The following CEP112 variants were observed in gnomAD, a reference collection of about 807,000 sequenced individuals.
CEP112 encodes the protein centrosomal protein of 112 kDa.
CEP112 carries 127 observed loss-of-function variants against 153.0 expected under a neutral mutation model. That is an observed-to-expected ratio of 0.83 (90% confidence interval 0.72 to 0.96). The LOEUF (loss-of-function observed/expected upper bound fraction) is 0.96, where lower values mean the gene tolerates loss of function less well. Among genes scored for constraint, CEP112 ranks in the 40% least tolerant of loss-of-function variants. The pLI, the probability that CEP112 is intolerant of heterozygous loss-of-function variation, is 0.00. For synonymous variants in CEP112, 358 were observed against 374.4 expected, an observed-to-expected ratio of 0.96 and a Z score of 0.51; for missense variants, 1,089 against 1,101.2, an observed-to-expected ratio of 0.99 and a Z score of 0.16.
intron 20 of CEP112, among the ~76,000 whole-genome samples, chr17:65,870,014 T>TAAAA (rs2058602971): frequency 2.2e-5 from 1 of 44,614 alleles, no homozygotes; most frequent in Non-Finnish European, 4.7e-5. Flanking sequence ...AGGTAGAGAA[T>TAAAA]AAGAAAGAAA....
chr17:65,956,174 A>G (rs1471978905), intron 18 of CEP112, among the ~76,000 whole-genome samples: 1 of 152,134 alleles, frequency 6.6e-6, no homozygotes, highest in African/African-American at 2.4e-5. Context: ...TAGTACAACC[A>G]CTATGGAAAA....
chr17:66,141,525 T>C (rs1175945575), intron 4 of CEP112, among the ~76,000 whole-genome samples: 1 of 152,200 alleles, frequency 6.6e-6, no homozygotes, highest in African/African-American at 2.4e-5. Flanking sequence ...TTTCATCTTC[T>C]GTAGCTGAAA....
intron 21 of CEP112, among the ~76,000 whole-genome samples, chr17:65,783,763 T>C (rs964714441): frequency 6.6e-6 from 1 of 152,232 alleles, no homozygotes; most frequent in Non-Finnish European, 1.5e-5. Context: ...AGGTGTCCAG[T>C]TGGCTCTGTT....
chr17:65,711,129 T>A (rs2049163199), intron 23 of CEP112, among the ~76,000 whole-genome samples: 1 of 152,192 alleles, frequency 6.6e-6, no homozygotes, highest in African/African-American at 2.4e-5. Context: ...TTCATCTATA[T>A]CACAGCAAGA....
intron 21 of CEP112, among the ~76,000 whole-genome samples, chr17:65,809,234 A>C (rs2055803548): frequency 2.0e-5 from 3 of 152,204 alleles, no homozygotes; most frequent in Non-Finnish European, 4.4e-5. Flanking sequence ...GGAAAACCAC[A>C]TGCTGGATCC....
At chr17:65,926,492 C>T (rs2060929188) in intron 19 of CEP112, among the ~76,000 whole-genome samples, 1 of 152,146 alleles carries the variant, frequency 6.6e-6, no homozygotes, top group Non-Finnish European at 1.5e-5. Context: ...GTGGGCAGAT[C>T]ACCTGAAATC....
intron 12 of CEP112, among the ~76,000 whole-genome samples, chr17:66,036,662 C>G (rs1477952657): frequency 2.0e-5 from 3 of 152,082 alleles, no homozygotes; most frequent in Non-Finnish European, 4.4e-5. Context: ...ATTAACGTGG[C>G]CACAGTTGCC....
Position 66,069,929 on chromosome 17 carries a change from C to T in CEP112, c.841G>A (p.Ala281Thr), listed in dbSNP as rs767650209. The T allele has an allele frequency of 6.3e-7, 1 of 1,596,592 alleles. No individual in the cohort carries two copies. Among genetic ancestry groups the T allele is most frequent in the South Asian group, 1.1e-5 (1 of 89,622 alleles). Residue 281 changes from alanine to threonine, a missense_variant, in exon 9 of 27, where the codon GCT (alanine) becomes ACT (threonine). Ala to Thr is a moderately conservative substitution (Grantham distance 58). Coordinates refer to ENST00000535342, the MANE Select transcript of CEP112 (RefSeq NM_001199165.4). ...ATATATCCTACCTTCTGAACATCAG[C>T]ATCATGTTTCTGTTGCAGTTTAAGC... Reference protein sequence around the residue: ...EKLKLQQKHDADVQKILERKN... With the variant: ...EKLKLQQKHDTDVQKILERKN...
At chr17:65,830,461 G>A (rs575991435) in intron 21 of CEP112, among the ~76,000 whole-genome samples, 1 of 152,286 alleles carries the variant, frequency 6.6e-6, no homozygotes, top group Admixed American at 6.5e-5. Flanking sequence ...GACCATTCTG[G>A]TCTTGTCCCA....
chr17:66,152,044 G>A (rs2071232547), intron 4 of CEP112, among the ~76,000 whole-genome samples: 1 of 152,126 alleles, frequency 6.6e-6, no homozygotes, highest in Non-Finnish European at 1.5e-5. Context: ...GTATAGCTAG[G>A]TATAGCTAGA....
At chr17:65,963,800 GTTTA>G (rs752668667) in intron 17 of CEP112, among the ~76,000 whole-genome samples, 7 of 151,962 alleles carry the variant, frequency 4.6e-5, no homozygotes, top group Admixed American at 1.3e-4. Flanking sequence ...TATCGTGCAT[GTTTA>G]TTTGTCATTT....
At chr17:66,054,276 A>T (rs7215312) in intron 11 of CEP112, among the ~76,000 whole-genome samples, 86,562 of 151,922 alleles carry the variant, frequency 0.57, 25,825 homozygotes, top group African/African-American at 0.67. Flanking sequence ...TATTCATCCT[A>T]TTTGCACGGA....
chr17:66,114,026 C>T (rs763643500), intron 6 of CEP112, among the ~76,000 whole-genome samples: 3 of 152,014 alleles, frequency 2.0e-5, no homozygotes, highest in Non-Finnish European at 2.9e-5. Context: ...AAAAGAATAC[C>T]ACAATAAATG....
intron 11 of CEP112, among the ~76,000 whole-genome samples, chr17:66,061,041 A>C (rs1313362719): frequency 6.6e-6 from 1 of 152,138 alleles, no homozygotes; most frequent in East Asian, 1.9e-4. Flanking sequence ...CAAAATATAT[A>C]AGAAACTCAA....
rs1324161752 is a variant in CEP112, at chr17:65,937,714, C to T, written c.1873-10025G>A. On this transcript the variant is annotated intron_variant, in intron 18 of 26. Transcript: ENST00000535342. Reference sequence around the variant, plus strand: ...ACTGGGAAGTGAGGAGCCCCCCGCCCGGCCAGCCGCCCAGTCTGGGAGGGG... The same window carrying T: ...ACTGGGAAGTGAGGAGCCCCCCGCCTGGCCAGCCGCCCAGTCTGGGAGGGG... Among the ~76,000 whole-genome samples, 7 of 93,676 alleles carry T rather than the reference C, an allele frequency of 7.5e-5. 3 individuals carry two copies. The highest frequency in any genetic ancestry group is 2.7e-4 in the Admixed American group (2 of 7,302). 61.5% of individuals were successfully genotyped at this position (93,676 alleles called of 152,430 possible).
intron 23 of CEP112, among the ~76,000 whole-genome samples, chr17:65,739,913 C>T (rs983628559): frequency 4.6e-5 from 7 of 152,254 alleles, no homozygotes; most frequent in South Asian, 2.1e-4. Flanking sequence ...TTTCTTCAGG[C>T]TGGTAGCTTT....
chr17:65,937,084 C>G (rs1021267382), intron 18 of CEP112, among the ~76,000 whole-genome samples: 2 of 149,188 alleles, frequency 1.3e-5, no homozygotes, highest in Admixed American at 1.3e-4. Context: ...TCCCGAGGTG[C>G]CAGGATTGCA....
chr17:65,735,340 TAC>T (rs1400732478), intron 23 of CEP112, among the ~76,000 whole-genome samples: 3 of 152,162 alleles, frequency 2.0e-5, no homozygotes, highest in African/African-American at 4.8e-5. Context: ...CTCATACTCA[TAC>T]AGACACAGAA....
rs188171657 is a variant in CEP112, at chr17:65,872,168, C to T, written c.2164-20134G>A. 1.6e-4 allele frequency among the ~76,000 whole-genome samples: 25 copies of T among 151,848 alleles called. No individual in the cohort carries two copies. In the East Asian group the frequency reaches 4.8e-3, roughly 29 times the overall value. Reference sequence around the variant, plus strand: ...AATTGTTAATTTTAAGTTATTTATCCCTTTTCAACATTTAAAATTACCTTT... The same window carrying T: ...AATTGTTAATTTTAAGTTATTTATCTCTTTTCAACATTTAAAATTACCTTT... On this transcript the variant is annotated intron_variant, in intron 20 of 26. Coordinates refer to ENST00000535342, the MANE Select transcript of CEP112 (RefSeq NM_001199165.4).
Sources: gnomAD v4.1 joint callset for allele counts (sites outside exome capture counted in the v4.1 genomes callset) on GRCh38, gnomAD v4.1.1 for gene constraint, MANE v1.5 for transcripts, NCBI Gene and HGNC (gene_info 2026-07-23, HGNC 2026-07-21) for gene names.